PTPRS: variants seen among roughly 807,000 people sequenced by gnomAD.
PTPRS encodes the protein protein tyrosine phosphatase receptor type S, also known as receptor-type tyrosine-protein phosphatase S.
Under a neutral mutation model 215.3 loss-of-function variants are expected in PTPRS, and 63 were observed. The observed-to-expected ratio is 0.29, with a 90% CI of 0.24 to 0.36. The LOEUF (loss-of-function observed/expected upper bound fraction) is 0.36. PTPRS is among the 10% of genes least tolerant of loss of function. The pLI, the probability that PTPRS is intolerant of heterozygous loss-of-function variation, is 1.00. For missense variants in PTPRS, 2,258 were observed against 2,825.8 expected (o/e 0.80, Z 4.56); for synonymous variants, 1,404 against 1,191.4 (o/e 1.18, Z -3.68).
At chr19:5,319,870 C>T (rs77440484) in intron 1 of PTPRS, among the ~76,000 whole-genome samples, 17,768 of 152,018 alleles carry the variant, frequency 0.12, 1,308 homozygotes, top group Admixed American at 0.24. Flanking sequence ...TGACAACCCT[C>T]ATGCCTCCCT....
Position 5,214,399 on chromosome 19 carries a change from G to A in PTPRS, c.4576C>T (p.Leu1526=), listed in dbSNP as rs2041224816. The A allele has an allele frequency of 6.2e-7, 1 of 1,614,184 alleles. No individual in the cohort carries two copies. Among genetic ancestry groups the A allele is most frequent in the Non-Finnish European group, 8.5e-7 (1 of 1,180,040 alleles). Residue 1526 remains leucine, a synonymous_variant, in exon 30 of 38, where the codon CTG becomes TTG. Coordinates refer to ENST00000262963, the MANE Select transcript of PTPRS (RefSeq NM_002850.4). ...AATGTCCTGACGCAGAATGTGGCCA[G>A]CTCGATGGTATCTAGCAACGTGACC... The part of the protein sequence containing the change: ...IQVTLLDTIE[L]ATFCVRTFSL...
intron 13 of PTPRS, among the ~76,000 whole-genome samples, chr19:5,233,297 A>C (rs2043169938): frequency 6.6e-6 from 1 of 151,828 alleles, no homozygotes; most frequent in African/African-American, 2.4e-5. Context: ...AAAAGCATCT[A>C]TTTATTGAAC....
chr19:5,283,681 G>C (rs930598793), intron 2 of PTPRS, among the ~76,000 whole-genome samples: 1 of 152,198 alleles, frequency 6.6e-6, no homozygotes, highest in Non-Finnish European at 1.5e-5. Context: ...CCTGGAGGCA[G>C]CCAGACAGAT....
chr19:5,334,401 A>ACGTTACC (rs952404677), intron 1 of PTPRS, among the ~76,000 whole-genome samples: 1 of 152,224 alleles, frequency 6.6e-6, no homozygotes, highest in Admixed American at 6.5e-5. Flanking sequence ...GTGCTTACAC[A>ACGTTACC]CGTTAACTCA....
chr19:5,256,241 T>G (rs2045546976), intron 8 of PTPRS, 122 bp from the exon 9 acceptor site: 2 of 608,100 alleles, frequency 3.3e-6, no homozygotes, highest in Non-Finnish European at 4.6e-6. Context: ...TAGTTTGTTG[T>G]TTTTTTTTTC....
At chr19:5,239,835 AACAGAG>A (rs1405604418) in intron 12 of PTPRS, among the ~76,000 whole-genome samples, 1 of 151,914 alleles carries the variant, frequency 6.6e-6, no homozygotes, top group Non-Finnish European at 1.5e-5. Context: ...CAGAAAGAGA[AACAGAG>A]ACAGAGACAT....
At chr19:5,227,294 G>A (rs930669119) in intron 16 of PTPRS, among the ~76,000 whole-genome samples, 16 of 151,796 alleles carry the variant, frequency 1.1e-4, no homozygotes, top group Non-Finnish European at 2.4e-4. Flanking sequence ...CAAGTGATCC[G>A]CCTGCCTCTG....
intron 1 of PTPRS, among the ~76,000 whole-genome samples, chr19:5,292,268 G>A (rs2048883716): frequency 6.6e-6 from 1 of 152,204 alleles, no homozygotes; most frequent in African/African-American, 2.4e-5. Context: ...GGTTTCAGAG[G>A]TAGAAACTGA....
intron 9 of PTPRS, among the ~76,000 whole-genome samples, chr19:5,247,092 G>C (rs193055511): frequency 6.6e-6 from 1 of 151,724 alleles, no homozygotes; most frequent in South Asian, 2.1e-4. Flanking sequence ...AAGAAAGAAG[G>C]GGGGGCCCAC....
chr19:5,297,791 CTTT>C (rs373472522), intron 1 of PTPRS, among the ~76,000 whole-genome samples: 3 of 131,368 alleles, frequency 2.3e-5, no homozygotes, highest in Non-Finnish European at 3.3e-5. Flanking sequence ...CTTTTCTTTT[CTTT>C]TTTTTTTTTT....
chr19:5,285,674 G>A lies in PTPRS; in HGVS notation c.91+376C>T, dbSNP rs895475234. 8.5e-5 allele frequency among the ~76,000 whole-genome samples: 13 copies of A among 152,150 alleles called. No homozygotes were observed. In the South Asian group the frequency reaches 1.7e-3, roughly 19 times the overall value. Reference sequence around the variant, plus strand: ...GTGATCTCAAATAAGTCCTTGCCTCGTTTTCCCTCATTGGGAAACGTGGAA... The same window carrying A: ...GTGATCTCAAATAAGTCCTTGCCTCATTTTCCCTCATTGGGAAACGTGGAA... On this transcript the variant is annotated intron_variant, in intron 2 of 37. Transcript: ENST00000262963.
intron 7 of PTPRS, among the ~76,000 whole-genome samples, chr19:5,258,902 G>A (rs2146267308): frequency 6.6e-6 from 1 of 152,296 alleles, no homozygotes; most frequent in Middle Eastern, 3.4e-3. Flanking sequence ...GAATTTACCT[G>A]CTTGTATTTA....
intron 1 of PTPRS, among the ~76,000 whole-genome samples, chr19:5,323,233 C>G (rs924491433): frequency 3.9e-5 from 6 of 152,132 alleles, no homozygotes; most frequent in Non-Finnish European, 4.4e-5. Flanking sequence ...GTGGCACATG[C>G]CTGTAATCCC....
rs1424618363 is a variant in PTPRS, at chr19:5,244,090, G to T, written c.1381C>A (p.Arg461Ser). 6.2e-7 allele frequency: 1 copy of T among 1,610,008 alleles called. No homozygotes were observed. Among genetic ancestry groups the T allele is most frequent in the South Asian group, 1.1e-5 (1 of 90,958 alleles). ...VEPNGLIRGY[R>S]VYYTMEPEHP... Reference sequence around the variant, plus strand: ...TCCGGTTCCATGGTGTAGTAGACGCGGTAGCCGCGGATCAGGCCGTTGGGC... The same window carrying T: ...TCCGGTTCCATGGTGTAGTAGACGCTGTAGCCGCGGATCAGGCCGTTGGGC... The change falls in exon 11 of 38, where the codon CGC becomes AGC. Residue 461 changes from arginine (R) to serine (S), a missense_variant. Arg to Ser is a moderately radical substitution (Grantham distance 110). Transcript: ENST00000262963. This position sits in a 1 kb window ranked among gnomAD's most constrained non-coding sequence, Gnocchi z 7.2.
chr19:5,215,873 C>T (rs1052667385), intron 26 of PTPRS, among the ~76,000 whole-genome samples: 17 of 152,244 alleles, frequency 1.1e-4, no homozygotes, highest in Admixed American at 1.0e-3. Context: ...ATTGGCCCAT[C>T]CTGTTTCCTT....
intron 9 of PTPRS, among the ~76,000 whole-genome samples, chr19:5,249,698 G>C (rs1377095039): frequency 6.6e-6 from 1 of 152,214 alleles, no homozygotes; most frequent in Non-Finnish European, 1.5e-5. Flanking sequence ...CAAACTCCAT[G>C]TAATGGCCAG....
intron 1 of PTPRS, among the ~76,000 whole-genome samples, chr19:5,297,239 T>C (rs775687489): frequency 6.6e-5 from 10 of 152,184 alleles, no homozygotes; most frequent in Non-Finnish European, 1.0e-4. Flanking sequence ...AGCTGGGACG[T>C]TGGGGGGTAA....
In PTPRS at chr19:5,295,222, A is replaced by G. The variant is rs527377123; in HGVS notation, c.-94-8988T>C. On this transcript the variant is annotated intron_variant, in intron 1 of 37. Coordinates refer to ENST00000262963, the MANE Select transcript of PTPRS (RefSeq NM_002850.4). The surrounding 1 kb of genome is among the most constrained non-coding windows in gnomAD (Gnocchi z 4.6). ...AAGCCAAGCACTGAACAGGTGCTCA[A>G]TGAATCCACACTGTCAGGAGGCTTG... Among the ~76,000 whole-genome samples, 2 of 152,344 alleles carry G rather than the reference A, an allele frequency of 1.3e-5. No individual in the cohort carries two copies. The highest frequency in any genetic ancestry group is 4.8e-5 in the African/African-American group (2 of 41,588).
chr19:5,247,242 G>T (rs927106778), intron 9 of PTPRS, among the ~76,000 whole-genome samples: 1 of 151,466 alleles, frequency 6.6e-6, no homozygotes. Flanking sequence ...ACAAGGGAAT[G>T]AACTTGAACG....
Sources: gnomAD v4.1 joint callset for allele counts (sites outside exome capture counted in the v4.1 genomes callset) on GRCh38, gnomAD v4.1.1 for gene constraint, Gnocchi (gnomAD v3.1) non-coding constraint, MANE v1.5 for transcripts, NCBI Gene and HGNC (gene_info 2026-07-23, HGNC 2026-07-21) for gene names.